Variants in LINGO1 observed in about 807,000 individuals in gnomAD.
LINGO1 encodes leucine rich repeat and Ig domain containing 1, also known as leucine-rich repeat and immunoglobulin-like domain-containing nogo receptor-interacting protein 1.
Under a neutral mutation model 37.3 loss-of-function variants are expected in LINGO1, and 11 were observed. That is an observed-to-expected ratio of 0.29 (90% confidence interval 0.19 to 0.49). The LOEUF is 0.49. LINGO1 is among the 20% of genes least tolerant of loss of function. The probability of loss-of-function intolerance (pLI) is 0.99; values close to 1 mark genes in which losing one functional copy is unlikely to be tolerated. For missense variants in LINGO1, 585 were observed against 878.2 expected, an observed-to-expected ratio of 0.67 and a Z score of 4.22; for synonymous variants, 387 against 403.0, an observed-to-expected ratio of 0.96 and a Z score of 0.48.
upstream of LINGO1, among the ~76,000 whole-genome samples, chr15:77,698,795 G>T (rs2141267351): frequency 6.6e-6 from 1 of 152,330 alleles, no homozygotes; most frequent in African/African-American, 2.4e-5. Flanking sequence ...AGGGTGAGAA[G>T]GGTCGGGTGG....
intron 1 of LINGO1, among the ~76,000 whole-genome samples, chr15:77,746,047 A>C (rs949941009): frequency 6.8e-5 from 10 of 146,032 alleles, no homozygotes; most frequent in African/African-American, 2.0e-4. Context: ...CTGTCTCTAC[A>C]AAAAAAAAAA....
intron 1 of LINGO1, among the ~76,000 whole-genome samples, chr15:77,771,205 T>C (rs75594759): frequency 0.02 from 3,116 of 152,312 alleles, 104 homozygotes; most frequent in African/African-American, 0.071. Flanking sequence ...TAAGATATCA[T>C]GATCCTGGGA....
At chr15:77,764,846 A>G (rs928584912) in intron 1 of LINGO1, among the ~76,000 whole-genome samples, 1 of 152,198 alleles carries the variant, frequency 6.6e-6, no homozygotes, top group African/African-American at 2.4e-5. Flanking sequence ...GAATGTCCAC[A>G]ATGCTCACAG....
rs1165097195 is a variant in LINGO1 at position 77,615,023 on chromosome 15, G to C, written c.884C>G (p.Ser295Cys). The C allele has an allele frequency of 6.2e-7, 1 of 1,614,048 alleles. No homozygotes were observed. The highest frequency in any genetic ancestry group is 8.5e-7 in the Non-Finnish European group (1 of 1,179,886). The change falls in exon 2 of 2, where the codon TCC becomes TGC. Residue 295 changes from serine (S) to cysteine (C), a missense_variant. This residue lies in a region of LINGO1 where 484 missense variants were observed against 735.0 expected (regional missense o/e 0.66). Transcript: ENST00000355300. ...HLVYLRFLNL[S>C]YNPISTIEGS... Reference sequence around the variant, plus strand: ...CTCAATGGTGCTGATGGGGTTGTAGGAGAGGTTGAGGAAGCGGAGATAGAC... The same window carrying C: ...CTCAATGGTGCTGATGGGGTTGTAGCAGAGGTTGAGGAAGCGGAGATAGAC...
intron 1 of LINGO1, among the ~76,000 whole-genome samples, chr15:77,623,631 G>A (rs2142539318): frequency 6.6e-6 from 1 of 152,328 alleles, no homozygotes; most frequent in East Asian, 1.9e-4. Flanking sequence ...GGGCCAGGCA[G>A]CCAGTGTCCG....
chr15:77,659,672 G>A (rs2074944814), intron 3 of LINGO1, among the ~76,000 whole-genome samples: 1 of 152,186 alleles, frequency 6.6e-6, no homozygotes, highest in Non-Finnish European at 1.5e-5. Context: ...GCAAAGAGTG[G>A]CCAGTCACCT....
chr15:77,700,942 T>C (rs1257350969), upstream of LINGO1, among the ~76,000 whole-genome samples: 1 of 151,686 alleles, frequency 6.6e-6, no homozygotes, highest in Non-Finnish European at 1.5e-5. Context: ...CAGGCAGGAG[T>C]GGGTGGGAGG....
intron 2 of LINGO1, among the ~76,000 whole-genome samples, chr15:77,683,075 G>A (rs1478803407): frequency 2.0e-5 from 3 of 152,186 alleles, no homozygotes; most frequent in East Asian, 1.9e-4. Context: ...GGCAAAGGAC[G>A]TGAACAGTCC....
intron 1 of LINGO1, among the ~76,000 whole-genome samples, chr15:77,692,102 T>C (rs1312304025): frequency 1.3e-5 from 2 of 152,250 alleles, no homozygotes; most frequent in African/African-American, 4.8e-5. Flanking sequence ...GATGGCAGCA[T>C]TACGGCTGCC....
chr15:77,745,104 C>T (rs372138753), intron 1 of LINGO1, among the ~76,000 whole-genome samples: 6 of 119,100 alleles, frequency 5.0e-5, no homozygotes, highest in East Asian at 4.9e-4. Flanking sequence ...CCAGTCTGGG[C>T]GAGAGAGCAA....
chr15:77,764,008 G>A (rs999192088), intron 1 of LINGO1, among the ~76,000 whole-genome samples: 2 of 152,186 alleles, frequency 1.3e-5, no homozygotes, highest in Admixed American at 6.5e-5. Context: ...TGACCATGGC[G>A]GGAGGCCTCA....
intron 1 of LINGO1, among the ~76,000 whole-genome samples, chr15:77,739,070 A>T (rs888817385): frequency 6.6e-6 from 1 of 152,178 alleles, no homozygotes; most frequent in Non-Finnish European, 1.5e-5. Context: ...CACCCCAGGG[A>T]GTCTGCGGCT....
Position 77,615,190 on chromosome 15 carries a change from G to A in LINGO1, c.717C>T (p.Tyr239=), listed in dbSNP as rs778170323. The A allele has an allele frequency of 1.9e-6, 3 of 1,613,680 alleles. No individual in the cohort carries two copies. The highest frequency in any genetic ancestry group is 1.7e-5 in the Admixed American group (1 of 60,008). ...AIRDYSFKRL[Y]RLKVLEISHW... is the part of the protein sequence containing the mutation. ...GGGAGATCTCCAAGACCTTGAGTCG[G>A]TACAGCCTCTTGAAGGAGTAGTCCC... Residue 239 remains tyrosine (Y), a synonymous_variant, in exon 2 of 2, where the codon TAC becomes TAT. Coordinates refer to ENST00000355300, the MANE Select transcript of LINGO1 (RefSeq NM_032808.7).
intron 3 of LINGO1, among the ~76,000 whole-genome samples, chr15:77,650,189 G>A (rs766663026): frequency 2.0e-5 from 3 of 152,226 alleles, no homozygotes; most frequent in Non-Finnish European, 2.9e-5. Context: ...TGATGTTTAC[G>A]GCGTGGTGTG....
chr15:77,809,555 G>A (rs748119619), intron 1 of LINGO1, among the ~76,000 whole-genome samples: 3 of 152,122 alleles, frequency 2.0e-5, no homozygotes, highest in African/African-American at 2.4e-5. Flanking sequence ...GCCCCGACCC[G>A]ATTCCTGGAC....
chr15:77,684,343 G>C (rs1229494889), intron 2 of LINGO1, among the ~76,000 whole-genome samples: 2 of 152,198 alleles, frequency 1.3e-5, no homozygotes, highest in African/African-American at 4.8e-5. Context: ...CTGAGGTACA[G>C]AGAGGTTACA....
intron 3 of LINGO1, among the ~76,000 whole-genome samples, chr15:77,653,747 A>G (rs2074811642): frequency 6.6e-6 from 1 of 152,140 alleles, no homozygotes; most frequent in African/African-American, 2.4e-5. Flanking sequence ...GGGAGTGCCT[A>G]TCAACCCTAA....
chr15:77,732,097 T>C (rs992748016), intron 2 of LINGO1, among the ~76,000 whole-genome samples: 1 of 152,286 alleles, frequency 6.6e-6, no homozygotes, highest in African/African-American at 2.4e-5. Context: ...AATATGCCTA[T>C]GAGAAAACAA....
Position 77,632,429 on chromosome 15 carries a change from C to T in LINGO1, c.-114G>A. On this transcript the variant is annotated 5_prime_UTR_variant, in exon 1 of 2. Transcript: ENST00000355300. The surrounding 1 kb of genome is among the most constrained non-coding windows in gnomAD (Gnocchi z 6.0). ...CCTCCTCCGTTTCCTCCTCCTCCGA[C>T]ACCTCCGCCCGGCAGTCCGCGCGCC... 4 of 1,151,060 alleles carry T rather than the reference C, an allele frequency of 3.5e-6. No individual in the cohort carries two copies. Among genetic ancestry groups the T allele is most frequent in the Non-Finnish European group, 4.4e-6 (4 of 907,700 alleles). 71.3% of individuals were successfully genotyped at this position (1,151,060 alleles called of 1,614,324 possible).
Sources: allele counts gnomAD v4.1 joint callset (sites outside exome capture counted in the v4.1 genomes callset), GRCh38; gene constraint gnomAD v4.1.1; regional missense constraint gnomAD v4.1.1; non-coding constraint Gnocchi (gnomAD v3.1); transcripts MANE v1.5; gene names NCBI Gene and HGNC (gene_info 2026-07-23, HGNC 2026-07-21).